Variants in PPM1D observed in about 807,000 individuals in gnomAD.
The protein encoded by PPM1D is protein phosphatase 1D.
PPM1D carries 52 observed loss-of-function variants against 58.3 expected under a neutral mutation model. The ratio of observed to expected loss-of-function variants is 0.89; its 90% CI spans 0.71 to 1.12. The LOEUF (loss-of-function observed/expected upper bound fraction) is 1.12, where lower values mean the gene tolerates loss of function less well. PPM1D is among the 50% of genes most tolerant of loss of function. PPM1D has a pLI of 0.00. For missense variants in PPM1D, 564 were observed against 777.2 expected (o/e 0.73, Z 3.26); for synonymous variants, 278 against 285.1 (o/e 0.98, Z 0.25).
At chr17:60,603,818 C>A (rs1207491159) in intron 1 of PPM1D, among the ~76,000 whole-genome samples, 2 of 151,962 alleles carry the variant, frequency 1.3e-5, no homozygotes, top group African/African-American at 4.8e-5. Context: ...CAATCTCTTG[C>A]GCTATTTGGT....
chr17:60,664,568 C>T lies in PPM1D; in HGVS notation c.*1016C>T, dbSNP rs2143735518. The T allele has an allele frequency of 6.6e-6, 1 of 152,318 alleles. No homozygotes were observed. The highest frequency in any genetic ancestry group is 1.9e-4 in the East Asian group (1 of 5,184). The allele number at this position is 152,318 out of a possible 1,614,324, so 9.4% of individuals were successfully genotyped here. A position where few individuals can be genotyped will look rare whatever the true frequency, so the allele number is the denominator to read the frequency against. ...AAAATGCTTGGGACCAGAAGTGTTT[C>T]AGATTTTTTAAAATTTTGGAATATT... is the stretch of plus-strand genomic sequence containing the variant. On this transcript the variant is annotated 3_prime_UTR_variant, in exon 6 of 6. Coordinates refer to ENST00000305921, the MANE Select transcript of PPM1D (RefSeq NM_003620.4).
chr17:60,617,144 T>G (rs1019604448), intron 1 of PPM1D, among the ~76,000 whole-genome samples: 1 of 151,240 alleles, frequency 6.6e-6, no homozygotes, highest in Non-Finnish European at 1.5e-5. Flanking sequence ...TTTTTTTTTT[T>G]GTAGAGACAG....
At chr17:60,625,216 A>G (rs1262448351) in intron 2 of PPM1D, among the ~76,000 whole-genome samples, 1 of 152,206 alleles carries the variant, frequency 6.6e-6, no homozygotes, top group Non-Finnish European at 1.5e-5. Context: ...AAAGGAGAGA[A>G]AGTTTGAACA....
At chr17:60,615,156 G>A (rs1446895275) in intron 1 of PPM1D, among the ~76,000 whole-genome samples, 1 of 152,020 alleles carries the variant, frequency 6.6e-6, no homozygotes, top group Non-Finnish European at 1.5e-5. Context: ...CAACACTTTG[G>A]GAGGCTGAGG....
intron 2 of PPM1D, among the ~76,000 whole-genome samples, chr17:60,630,469 T>A (rs1360068162): frequency 6.6e-6 from 1 of 152,190 alleles, no homozygotes; most frequent in Non-Finnish European, 1.5e-5. Context: ...TATAAGTTAT[T>A]TCCTTGCTTC....
chr17:60,600,347 C>G lies in PPM1D; in HGVS notation c.-68C>G. ...ATAAACAATAGTTGGCCGGCGAGCG[C>G]CTAGTGTGTCTCCCGCCGCCGGATT... On this transcript the variant is annotated 5_prime_UTR_variant, in exon 1 of 6. Coordinates refer to ENST00000305921, the MANE Select transcript of PPM1D (RefSeq NM_003620.4). The G allele has an allele frequency of 6.5e-7, 1 of 1,529,000 alleles. No homozygotes were observed. The highest frequency in any genetic ancestry group is 1.2e-5 in the South Asian group (1 of 83,244). 94.7% of individuals were successfully genotyped at this position (1,529,000 alleles called of 1,614,324 possible). A position where few individuals can be genotyped will look rare whatever the true frequency, so the allele number is the denominator to read the frequency against.
At chr17:60,648,264 A>G (rs544476037) in intron 4 of PPM1D, among the ~76,000 whole-genome samples, 182 bp downstream of exon 4, 1 of 152,336 alleles carries the variant, frequency 6.6e-6, no homozygotes, top group African/African-American at 2.4e-5. Flanking sequence ...GACAAGAAAT[A>G]TATAACCGAA....
chr17:60,606,102 C>G (rs2030325051), intron 1 of PPM1D, among the ~76,000 whole-genome samples: 1 of 152,172 alleles, frequency 6.6e-6, no homozygotes, highest in African/African-American at 2.4e-5. Flanking sequence ...CCTCCCCATT[C>G]TACTTTGTAC....
At chr17:60,635,082 A>G (rs1167679835) in intron 3 of PPM1D, among the ~76,000 whole-genome samples, 2 of 151,894 alleles carry the variant, frequency 1.3e-5, no homozygotes, top group East Asian at 1.9e-4. Flanking sequence ...CAACTACTAT[A>G]TATATTAATA....
At chr17:60,650,998 T>C (rs544243781) in intron 4 of PPM1D, among the ~76,000 whole-genome samples, 11 of 152,190 alleles carry the variant, frequency 7.2e-5, no homozygotes, top group Non-Finnish European at 1.6e-4. Flanking sequence ...GTGGAAATAC[T>C]AATTTAACAG....
At chr17:60,624,196 T>C (rs1302996978) in intron 2 of PPM1D, among the ~76,000 whole-genome samples, 2 of 152,216 alleles carry the variant, frequency 1.3e-5, no homozygotes, top group Non-Finnish European at 2.9e-5. Flanking sequence ...AGCGTTTCAA[T>C]GTGTAAGTAA....
intron 3 of PPM1D, among the ~76,000 whole-genome samples, chr17:60,640,161 A>C (rs1225495411): frequency 6.6e-6 from 1 of 152,162 alleles, no homozygotes; most frequent in Non-Finnish European, 1.5e-5. Context: ...TCTACAAAGA[A>C]TTGGCTGGGC....
intron 4 of PPM1D, 107 bp from the exon 5 acceptor site, chr17:60,656,492 C>A: frequency 8.0e-6 from 11 of 1,366,902 alleles, no homozygotes; most frequent in Admixed American, 2.8e-5. Flanking sequence ...AAATTGGGAG[C>A]TTTGTTTGGG....
intron 3 of PPM1D, among the ~76,000 whole-genome samples, chr17:60,635,208 A>C (rs2031000496): frequency 6.6e-6 from 1 of 151,872 alleles, no homozygotes; most frequent in Non-Finnish European, 1.5e-5. Flanking sequence ...TTCCTTATAT[A>C]CACATATGGG....
At chr17:60,644,741 A>G (rs747091658) in intron 3 of PPM1D, among the ~76,000 whole-genome samples, 2 of 152,218 alleles carry the variant, frequency 1.3e-5, no homozygotes, top group Non-Finnish European at 2.9e-5. Flanking sequence ...ACTGGAATTA[A>G]TAAGTGGAGT....
chr17:60,640,475 T>C (rs1164578765), intron 3 of PPM1D, among the ~76,000 whole-genome samples: 1 of 152,242 alleles, frequency 6.6e-6, no homozygotes, highest in East Asian at 1.9e-4. Flanking sequence ...TACGTACGGT[T>C]ACACTGTTTT....
At chr17:60,609,471 C>G (rs903417010) in intron 1 of PPM1D, among the ~76,000 whole-genome samples, 19 of 152,158 alleles carry the variant, frequency 1.2e-4, no homozygotes, top group Non-Finnish European at 2.4e-4. Flanking sequence ...GTTTCACTTT[C>G]TGCAGTTTGT....
chr17:60,659,357 G>T (rs2031490448), intron 5 of PPM1D, among the ~76,000 whole-genome samples: 1 of 152,180 alleles, frequency 6.6e-6, no homozygotes, highest in Non-Finnish European at 1.5e-5. Flanking sequence ...GACTAGATTT[G>T]TCTGTAAACA....
intron 1 of PPM1D, among the ~76,000 whole-genome samples, chr17:60,611,047 C>G (rs1165683353): frequency 1.3e-5 from 2 of 152,184 alleles, no homozygotes; most frequent in Non-Finnish European, 2.9e-5. Context: ...GAGTCTCGCT[C>G]TGTTGCCCTG....
Sources: allele counts gnomAD v4.1 joint callset (sites outside exome capture counted in the v4.1 genomes callset), GRCh38; gene constraint gnomAD v4.1.1; transcripts MANE v1.5; gene names NCBI Gene and HGNC (gene_info 2026-07-23, HGNC 2026-07-21).